Variants in HYI observed in about 807,000 individuals in gnomAD.
HYI encodes hydroxypyruvate isomerase (putative).
A neutral mutation model predicts 39.7 loss-of-function variants in HYI; 47 were observed. The observed-to-expected ratio is 1.18, with a 90% confidence interval of 0.94 to 1.51. HYI has a LOEUF of 1.51. Ranked by LOEUF, HYI falls within the 40% of genes most tolerant of loss-of-function variation. HYI has a pLI of 0.00. For missense variants in HYI, 465 were observed against 370.3 expected (o/e 1.26, Z -2.10); for synonymous variants, 186 against 158.8 (o/e 1.17, Z -1.29).
In HYI at chr1:43,451,049, C is replaced by G; in HGVS notation, c.*189G>C. ...GAGGTGGGTTCAGAAGCTCTCCCAT[C>G]TTCACAGCAACCCTGGCACTGGCTT... On this transcript the variant is annotated 3_prime_UTR_variant, in exon 8 of 8. Transcript: ENST00000372430. 1.3e-6 allele frequency: 1 copy of G among 789,092 alleles called. No individual in the cohort carries two copies. Among genetic ancestry groups the G allele is most frequent in the Non-Finnish European group, 2.3e-6 (1 of 440,690 alleles). The allele number at this position is 789,092 out of a possible 1,614,324, so 48.9% of individuals were successfully genotyped here. A position where few individuals can be genotyped will look rare whatever the true frequency, so the allele number is the denominator to read the frequency against.
intron 2 of HYI, chr1:43,452,998 C>A: frequency 6.4e-7 from 1 of 1,563,790 alleles, no homozygotes. Context: ...TCAAGCAATG[C>A]CCACTCCTTG....
chr1:43,451,088 A>C lies in HYI; in HGVS notation c.*150T>G, dbSNP rs1424132663. The C allele has an allele frequency of 3.5e-6, 3 of 851,450 alleles. No individual in the cohort carries two copies. The highest frequency in any genetic ancestry group is 4.0e-6 in the Non-Finnish European group (2 of 498,716). The allele number at this position is 851,450 out of a possible 1,614,324, so 52.7% of individuals were successfully genotyped here. A position where few individuals can be genotyped will look rare whatever the true frequency, so the allele number is the denominator to read the frequency against. ...TGGCACTGGCTTCTCAATGGGAGGG[A>C]AGCAGCAGAGAAACTGAAGTGTTAG... On this transcript the variant is annotated 3_prime_UTR_variant, in exon 8 of 8. Coordinates refer to ENST00000372430, the MANE Select transcript of HYI (RefSeq NM_001190880.3).
At chr1:43,453,534 ACTCCCCTGCCCGCGC>A in intron 1 of HYI, 37 bp from the exon 2 acceptor site, 1 of 1,524,506 alleles carries the variant, frequency 6.6e-7, no homozygotes, top group South Asian at 1.2e-5. Flanking sequence ...CGGCTCGGAC[ACTCCCCTGCCCGCGC>A]CCCGGCACCC....
chr1:43,452,177 A>G (rs746181342), intron 3 of HYI, 28 bp downstream of exon 3: 1 of 1,566,722 alleles, frequency 6.4e-7, no homozygotes. Flanking sequence ...GAGACATGTA[A>G]GTACGTGTGT....
In HYI at chr1:43,451,863, G is replaced by T; in HGVS notation, c.506-16C>A. The stretch of plus-strand genomic sequence containing the variant: ...ATGGCTGCCGCTGTAAGAGAAGCCA[G>T]GGAGGGGACCGTGAGCCTCAAGAGC... On this transcript the variant is annotated splice_polypyrimidine_tract_variant and intron_variant, in intron 4 of 7. Transcript: ENST00000372430. 3.7e-6 allele frequency: 6 copies of T among 1,614,092 alleles called. No homozygotes were observed. Among genetic ancestry groups the T allele is most frequent in the Non-Finnish European group, 5.1e-6 (6 of 1,179,970 alleles).
chr1:43,450,758 GC>G, downstream of HYI: 1 of 697,454 alleles, frequency 1.4e-6, no homozygotes, highest in Non-Finnish European at 2.6e-6. The surrounding 1 kb of genome is among the most constrained non-coding windows in gnomAD (Gnocchi z 4.3). Context: ...ACTCCTTTCG[GC>G]CCCCCTGGTA....
rs1376659589 is a variant in HYI, at chr1:43,453,379, G to A, written c.311+7C>T. On this transcript the variant is annotated splice_region_variant and intron_variant, in intron 2 of 7. Coordinates refer to ENST00000372430, the MANE Select transcript of HYI (RefSeq NM_001190880.3). ...CACAGGGGTGGGGGTGGGGTGGAGC[G>A]GGGTACCTGGGACAGCCCAGGGCTT... 2.0e-6 allele frequency: 3 copies of A among 1,535,780 alleles called. No homozygotes were observed. The South Asian group carries it at 3.6e-5, about 18-fold the overall frequency.
In HYI at chr1:43,453,616, C is replaced by G; in HGVS notation, c.178G>C (p.Val60Leu). 6.6e-6 allele frequency: 10 copies of G among 1,504,550 alleles called. No homozygotes were observed. The highest frequency in any genetic ancestry group is 8.8e-6 in the Non-Finnish European group (10 of 1,131,426). The allele number at this position is 1,504,550 out of a possible 1,614,324, so 93.2% of individuals were successfully genotyped here. The change falls in exon 1 of 8, where the codon GTA becomes CTA. Residue 60 changes from valine (V) to leucine (L), a missense_variant. Physicochemically the swap from Val to Leu is conservative, Grantham distance 32. Transcript: ENST00000372430. ...RAAREAGLRL[V>L]LINTPPGDQE... is the part of the protein sequence containing the mutation. ...GCACCCGGGGGCGTGTTGATCAGTA[C>G]AAGCCGCAGCCCCGCTTCTCGCGCG... is the stretch of plus-strand genomic sequence containing the variant.
chr1:43,450,894 A>T (rs1250325177), downstream of HYI: 3 of 736,096 alleles, frequency 4.1e-6, no homozygotes, highest in Non-Finnish European at 7.5e-6. This position sits in a 1 kb window ranked among gnomAD's most constrained non-coding sequence, Gnocchi z 4.3. Flanking sequence ...TTCACTTCCC[A>T]CTTGGACATC....
Position 43,451,028 on chromosome 1 carries a change from T to C in HYI, c.*210A>G. 1.3e-6 allele frequency: 1 copy of C among 771,932 alleles called. No homozygotes were observed. The highest frequency in any genetic ancestry group is 2.4e-6 in the Non-Finnish European group (1 of 424,950). 47.8% of individuals were successfully genotyped at this position (771,932 alleles called of 1,614,324 possible). Reference sequence around the variant, plus strand: ...CTGGGTTTCTCATCCTTTAATGAGGTGGGTTCAGAAGCTCTCCCATCTTCA... The same window carrying C: ...CTGGGTTTCTCATCCTTTAATGAGGCGGGTTCAGAAGCTCTCCCATCTTCA... On this transcript the variant is annotated 3_prime_UTR_variant, in exon 8 of 8. Transcript: ENST00000372430.
Position 43,453,670 on chromosome 1 carries a change from C to T in HYI, c.124G>A (p.Ala42Thr). Residue 42 changes from alanine (A) to threonine (T), a missense_variant, in exon 1 of 8, where the codon GCG becomes ACG. Physicochemically the swap from Ala to Thr is moderately conservative, Grantham distance 58. Coordinates refer to ENST00000372430, the MANE Select transcript of HYI (RefSeq NM_001190880.3). ...FEAVEVAWPYAETPEALARAA... is the reference protein window; with the variant it reads ...FEAVEVAWPYTETPEALARAA... ...CGCGCCAGCGCCTCAGGCGTCTCCG[C>T]GTACGGCCAGGCCACCTCGACGGCC... The T allele has an allele frequency of 6.8e-7, 1 of 1,480,522 alleles. No individual in the cohort carries two copies. The highest frequency in any genetic ancestry group is 8.9e-7 in the Non-Finnish European group (1 of 1,123,848). The allele number at this position is 1,480,522 out of a possible 1,614,324, so 91.7% of individuals were successfully genotyped here.
Position 43,451,156 on chromosome 1 carries a change from T to C in HYI, c.*82A>G, listed in dbSNP as rs914199409. The stretch of plus-strand genomic sequence containing the variant: ...ACCCCATTACAGAGACATATGACAA[T>C]GTTCAGCAGGTCATCTTTAATGCAG... On this transcript the variant is annotated 3_prime_UTR_variant, in exon 8 of 8. Transcript: ENST00000372430. 11 of 1,275,830 alleles carry C rather than the reference T, an allele frequency of 8.6e-6. No individual in the cohort carries two copies. In the African/African-American group the frequency reaches 1.5e-4, roughly 17 times the overall value. 79.0% of individuals were successfully genotyped at this position (1,275,830 alleles called of 1,614,324 possible).
Position 43,451,167 on chromosome 1 carries a change from TC to T in HYI, c.*70del. On this transcript the variant is annotated 3_prime_UTR_variant, in exon 8 of 8. Transcript: ENST00000372430. ...GAGACATATGACAATGTTCAGCAGGTCATCTTTAATGCAGAGGAGGAGATGG... is the reference window on the plus strand; with the variant it reads ...GAGACATATGACAATGTTCAGCAGGTATCTTTAATGCAGAGGAGGAGATGG... 2 of 1,364,494 alleles carry T rather than the reference TC, an allele frequency of 1.5e-6. No homozygotes were observed. The highest frequency in any genetic ancestry group is 1.8e-4 in the Middle Eastern group (1 of 5,618). The allele number at this position is 1,364,494 out of a possible 1,614,324, so 84.5% of individuals were successfully genotyped here.
Position 43,453,902 on chromosome 1 carries a change from C to A in HYI, c.-109G>T. ...TCTCCTTGCTGGCCCTGCGAACGAA[C>A]GAGCACTGTTCGTGGTTAGAAAAGC... On this transcript the variant is annotated 5_prime_UTR_variant, in exon 1 of 8. Transcript: ENST00000372430. 8.2e-7 allele frequency: 1 copy of A among 1,216,440 alleles called. No homozygotes were observed. The highest frequency in any genetic ancestry group is 1.0e-6 in the Non-Finnish European group (1 of 979,028). The allele number at this position is 1,216,440 out of a possible 1,614,324, so 75.4% of individuals were successfully genotyped here.
In HYI at chr1:43,453,807, G is replaced by T. The variant is rs1031983609; in HGVS notation, c.-14C>A. 8.0e-7 allele frequency: 1 copy of T among 1,252,222 alleles called. No homozygotes were observed. The highest frequency in any genetic ancestry group is 1.0e-6 in the Non-Finnish European group (1 of 1,001,014). 77.6% of individuals were successfully genotyped at this position (1,252,222 alleles called of 1,614,324 possible). A position where few individuals can be genotyped will look rare whatever the true frequency, so the allele number is the denominator to read the frequency against. On this transcript the variant is annotated 5_prime_UTR_variant, in exon 1 of 8. Coordinates refer to ENST00000372430, the MANE Select transcript of HYI (RefSeq NM_001190880.3). ...CAGCGGCGCCATGCCTGGGGAGGCC[G>T]GGCCGGGCGGAGTCCGCGGGATCCA...
chr1:43,453,284 T>G, intron 2 of HYI, 102 bp downstream of exon 2: 1 of 756,610 alleles, frequency 1.3e-6, no homozygotes, highest in South Asian at 1.8e-5. Flanking sequence ...GATAAACCAG[T>G]GGGCTCAGAC....
chr1:43,452,890 A>G (rs576188222), intron 2 of HYI: 1 of 1,590,404 alleles, frequency 6.3e-7, no homozygotes, highest in South Asian at 1.2e-5. Context: ...CCCCATCCCA[A>G]CAGGCTACAT....
rs774930343 is a variant in HYI at position 43,451,838 on chromosome 1, A to T, written c.515T>A (p.Ile172Asn). The change falls in exon 5 of 8, where the codon ATC becomes AAC. Residue 172 changes from isoleucine (I) to asparagine (N), a missense_variant. Coordinates refer to ENST00000372430, the MANE Select transcript of HYI (RefSeq NM_001190880.3). ...FLDTPQQAAAILQKVGRPNLQ... is the reference protein window; with the variant it reads ...FLDTPQQAAANLQKVGRPNLQ... ...GTTGGGTCTTCCTACCTTCTGTAAG[A>T]TGGCTGCCGCTGTAAGAGAAGCCAG... is the stretch of plus-strand genomic sequence containing the variant. 1.2e-6 allele frequency: 2 copies of T among 1,614,036 alleles called. No homozygotes were observed. The highest frequency in any genetic ancestry group is 1.7e-6 in the Non-Finnish European group (2 of 1,179,966).
chr1:43,452,246 A>C lies in HYI; in HGVS notation c.385T>G (p.Phe129Val), dbSNP rs1416342192. Reference protein sequence around the residue: ...IAVKAEMEAVFLENLRHAAGV... With the variant: ...IAVKAEMEAVVLENLRHAAGV... ...GCTGCATGCCTCAGGTTCTCCAGAA[A>C]AACGGCCTCCATCTCAGCCTTGACT... is the stretch of plus-strand genomic sequence containing the variant. The change falls in exon 3 of 8, where the codon TTT (phenylalanine) becomes GTT (valine). Residue 129 changes from phenylalanine (F) to valine (V), a missense_variant. Physicochemically the swap from Phe to Val is conservative, Grantham distance 50 (BLOSUM62 -1). Transcript: ENST00000372430. 1 of 1,613,934 alleles carries C rather than the reference A, an allele frequency of 6.2e-7. No individual in the cohort carries two copies. Among genetic ancestry groups the C allele is most frequent in the Non-Finnish European group, 8.5e-7 (1 of 1,179,978 alleles).
Sources: gnomAD v4.1 joint callset for allele counts on GRCh38, gnomAD v4.1.1 for gene constraint, Gnocchi (gnomAD v3.1) non-coding constraint, MANE v1.5 for transcripts, NCBI Gene and HGNC (gene_info 2026-07-23, HGNC 2026-07-21) for gene names.